SLC24A3: variants seen among roughly 807,000 people sequenced by gnomAD.
SLC24A3 encodes solute carrier family 24 member 3, also known as sodium/potassium/calcium exchanger 3.
In SLC24A3, 28 loss-of-function variants were observed where a neutral mutation model predicts 75.8. That is an observed-to-expected ratio of 0.37 (90% CI 0.27 to 0.51). The LOEUF (loss-of-function observed/expected upper bound fraction) is 0.51, where lower values mean the gene tolerates loss of function less well. Among genes scored for constraint, SLC24A3 ranks in the 20% least tolerant of loss-of-function variants. SLC24A3 has a pLI of 0.94. For synonymous variants in SLC24A3, 372 were observed against 334.1 expected (o/e 1.11, Z -1.24); for missense variants, 663 against 847.8 (o/e 0.78, Z 2.71).
In SLC24A3 at chr20:19,387,916, A is replaced by G. The variant is rs150304596; in HGVS notation, c.271+106829A>G. ...ATCTATCCTTTGTTGAAAGTAGAGT[A>G]TTGAAGTCCTCTACTATTATTGTTT... On this transcript the variant is annotated intron_variant, in intron 2 of 16. Coordinates refer to ENST00000328041, the MANE Select transcript of SLC24A3 (RefSeq NM_020689.4). 2.6e-5 allele frequency among the ~76,000 whole-genome samples: 4 copies of G among 152,266 alleles called. No individual in the cohort carries two copies. The East Asian group carries it at 7.7e-4, about 29-fold the overall frequency.
chr20:19,483,087 A>G (rs1988082386), intron 2 of SLC24A3, among the ~76,000 whole-genome samples: 1 of 152,206 alleles, frequency 6.6e-6, no homozygotes, highest in African/African-American at 2.4e-5. Flanking sequence ...GTAACCTACT[A>G]ATGATTAGCT....
At chr20:19,357,886 C>A (rs1985718354) in intron 2 of SLC24A3, among the ~76,000 whole-genome samples, 1 of 152,214 alleles carries the variant, frequency 6.6e-6, no homozygotes, top group South Asian at 2.1e-4. Context: ...CTCTTTCAAA[C>A]CTTAATTTTG....
At position 19,515,624 on chromosome 20, in the gene SLC24A3, G is replaced by A. The variant is rs1053234277; in HGVS notation, c.348+60G>A. On this transcript the variant is annotated intron_variant, in intron 3 of 16. Coordinates refer to ENST00000328041, the MANE Select transcript of SLC24A3 (RefSeq NM_020689.4). ...CATAGGCTAGGCCTAGGGGTGTGGG[G>A]TGTGGCACCTGAGGTGCCCCCAGTA... 30 of 1,563,090 alleles carry A rather than the reference G, an allele frequency of 1.9e-5. 1 individual carries two copies. The East Asian group carries it at 3.8e-4, about 20-fold the overall frequency.
intron 4 of SLC24A3, 99 bp from the exon 5 acceptor site, chr20:19,584,872 G>C: frequency 9.3e-7 from 1 of 1,070,904 alleles, no homozygotes; most frequent in Non-Finnish European, 1.4e-6. Flanking sequence ...TGAAGCCCCA[G>C]TCTTTGCTTC....
chr20:19,367,588 A>G (rs2122351407), intron 2 of SLC24A3, among the ~76,000 whole-genome samples: 1 of 152,134 alleles, frequency 6.6e-6, no homozygotes, highest in Middle Eastern at 3.4e-3. Context: ...ACAGTTGTCT[A>G]ATTAGATGCC....
chr20:19,404,954 C>T (rs1986616869), intron 2 of SLC24A3, among the ~76,000 whole-genome samples: 2 of 152,096 alleles, frequency 1.3e-5, no homozygotes, highest in East Asian at 1.9e-4. Flanking sequence ...TCCACTGTCT[C>T]TCGGGGTACT....
chr20:19,533,776 G>C (rs987477158), intron 3 of SLC24A3, among the ~76,000 whole-genome samples: 1 of 152,204 alleles, frequency 6.6e-6, no homozygotes, highest in South Asian at 2.1e-4. Context: ...ATTTGATCAA[G>C]CAAGGAGTTG....
intron 2 of SLC24A3, among the ~76,000 whole-genome samples, chr20:19,366,071 A>G (rs998737255): frequency 6.6e-6 from 1 of 151,916 alleles, no homozygotes; most frequent in Non-Finnish European, 1.5e-5. Flanking sequence ...CCCAACCCTC[A>G]TGATTAACTT....
intron 2 of SLC24A3, among the ~76,000 whole-genome samples, chr20:19,386,574 T>C (rs918081022): frequency 1.3e-5 from 2 of 152,192 alleles, no homozygotes; most frequent in East Asian, 3.8e-4. Context: ...CTTTGTTATG[T>C]TGAGGAAATT....
chr20:19,219,396 C>G (rs1474912061), intron 1 of SLC24A3, among the ~76,000 whole-genome samples: 1 of 152,194 alleles, frequency 6.6e-6, no homozygotes, highest in East Asian at 1.9e-4. Flanking sequence ...GTTCATTCAA[C>G]AAATGGCAGG....
intron 2 of SLC24A3, among the ~76,000 whole-genome samples, chr20:19,338,797 G>A (rs1985197731): frequency 6.6e-6 from 1 of 152,144 alleles, no homozygotes; most frequent in African/African-American, 2.4e-5. Flanking sequence ...ATGGGCTTGA[G>A]AAGCACCTTA....
intron 3 of SLC24A3, among the ~76,000 whole-genome samples, chr20:19,527,966 G>C (rs982536439): frequency 1.8e-4 from 27 of 152,104 alleles, no homozygotes; most frequent in Non-Finnish European, 4.4e-5. Context: ...TGTGGCTTTG[G>C]TTTTCTAACC....
At chr20:19,368,367 C>G (rs568612867) in intron 2 of SLC24A3, among the ~76,000 whole-genome samples, 1 of 152,198 alleles carries the variant, frequency 6.6e-6, no homozygotes, top group Non-Finnish European at 1.5e-5. Flanking sequence ...CTGGGACCCT[C>G]GTGCCCCTAC....
intron 1 of SLC24A3, among the ~76,000 whole-genome samples, chr20:19,233,128 C>T (rs1982068520): frequency 6.6e-6 from 1 of 152,208 alleles, no homozygotes; most frequent in Admixed American, 6.5e-5. Context: ...CCTCTGATAA[C>T]AAAGCAAGAA....
At chr20:19,348,176 G>C (rs187403994) in intron 2 of SLC24A3, among the ~76,000 whole-genome samples, 1 of 152,300 alleles carries the variant, frequency 6.6e-6, no homozygotes, top group Admixed American at 6.5e-5. Context: ...CTGATGTGGG[G>C]TTTCGGTTTC....
intron 2 of SLC24A3, among the ~76,000 whole-genome samples, chr20:19,514,726 T>C (rs1434168526): frequency 6.6e-6 from 1 of 152,198 alleles, no homozygotes; most frequent in Non-Finnish European, 1.5e-5. Flanking sequence ...AGGACCTTCT[T>C]GGGACCGTCA....
intron 1 of SLC24A3, among the ~76,000 whole-genome samples, chr20:19,236,648 G>T (rs1982175951): frequency 6.6e-6 from 1 of 152,138 alleles, no homozygotes; most frequent in Non-Finnish European, 1.5e-5. Flanking sequence ...CCCAGCCACT[G>T]GGGAGGCTGA....
chr20:19,647,447 G>A lies in SLC24A3; in HGVS notation c.613-6615G>A, dbSNP rs117213775. On this transcript the variant is annotated intron_variant, in intron 6 of 16. Transcript: ENST00000328041. ...ACCTAGTACTGCCAAATGCTGTGCC[G>A]GGTGCTGGCACATCAATGCCTGGCA... Among the ~76,000 whole-genome samples, 642 of 152,242 alleles carry A rather than the reference G, an allele frequency of 4.2e-3. 1 individual carries two copies. Among genetic ancestry groups the A allele is most frequent in the Non-Finnish European group, 7.0e-3 (478 of 68,018 alleles).
At chr20:19,332,594 A>G (rs1985025868) in intron 2 of SLC24A3, among the ~76,000 whole-genome samples, 1 of 152,182 alleles carries the variant, frequency 6.6e-6, no homozygotes, top group Non-Finnish European at 1.5e-5. Context: ...TCTGCTGTTG[A>G]GCTGCCTTCA....
Sources: gnomAD v4.1 joint callset for allele counts (sites outside exome capture counted in the v4.1 genomes callset) on GRCh38, gnomAD v4.1.1 for gene constraint, MANE v1.5 for transcripts, NCBI Gene and HGNC (gene_info 2026-07-23, HGNC 2026-07-21) for gene names.